CACNG2: variants seen among roughly 807,000 people sequenced by gnomAD.
CACNG2 encodes the protein voltage-dependent calcium channel gamma-2 subunit.
CACNG2 carries 3 observed loss-of-function variants against 25.9 expected under a neutral mutation model. The observed-to-expected ratio is 0.12, with a 90% CI of 0.05 to 0.30. CACNG2 has a LOEUF of 0.30. Among genes scored for constraint, CACNG2 ranks in the 10% least tolerant of loss-of-function variants. The pLI is 1.00. For missense variants in CACNG2, 341 were observed against 432.5 expected (o/e 0.79, Z 1.88); for synonymous variants, 167 against 173.3 (o/e 0.96, Z 0.29).
chr22:36,574,727 C>A (rs571901030), intron 2 of CACNG2, among the ~76,000 whole-genome samples: 1 of 152,206 alleles, frequency 6.6e-6, no homozygotes, highest in East Asian at 1.9e-4. Context: ...GGTTGCCGTG[C>A]ACCAAAATTG....
chr22:36,641,202 CATTT>C (rs1353681448), intron 1 of CACNG2, among the ~76,000 whole-genome samples: 1 of 152,172 alleles, frequency 6.6e-6, no homozygotes, highest in Non-Finnish European at 1.5e-5. Context: ...ACCTGATAAA[CATTT>C]ATGCATTTGT....
At chr22:36,587,725 A>G (rs1935527454) in intron 1 of CACNG2, among the ~76,000 whole-genome samples, 177 bp from the exon 2 acceptor site, 1 of 152,160 alleles carries the variant, frequency 6.6e-6, no homozygotes, top group South Asian at 2.1e-4. Context: ...CACAACACAC[A>G]CACCCGCAGT....
chr22:36,621,890 T>C (rs1332615642), intron 1 of CACNG2, among the ~76,000 whole-genome samples: 4 of 152,232 alleles, frequency 2.6e-5, no homozygotes, highest in Admixed American at 1.3e-4. Flanking sequence ...GACAAACTTG[T>C]AGGTTTGCGA....
chr22:36,581,846 A>G (rs963296276), intron 2 of CACNG2, among the ~76,000 whole-genome samples: 3 of 152,186 alleles, frequency 2.0e-5, no homozygotes, highest in African/African-American at 7.2e-5. Flanking sequence ...CCTCAGGTCC[A>G]TACCGAGCCC....
intron 2 of CACNG2, among the ~76,000 whole-genome samples, chr22:36,575,860 C>T (rs909853318): frequency 2.0e-5 from 3 of 152,182 alleles, no homozygotes; most frequent in Admixed American, 6.5e-5. Flanking sequence ...ATGCTCTTAT[C>T]CCATCTGGGA....
At position 36,564,267 on chromosome 22, in the gene CACNG2, G is replaced by T; in HGVS notation, c.*84C>A. 7.9e-7 allele frequency: 1 copy of T among 1,266,492 alleles called. No individual in the cohort carries two copies. The highest frequency in any genetic ancestry group is 1.1e-6 in the Non-Finnish European group (1 of 929,180). The allele number at this position is 1,266,492 out of a possible 1,614,324, so 78.5% of individuals were successfully genotyped here. ...GTTTTTGCTTTTGGAAGGTCTCCCA[G>T]CGGAGGGTCTGGGTCTCCCCGCCCC... On this transcript the variant is annotated 3_prime_UTR_variant, in exon 4 of 4. Coordinates refer to ENST00000300105, the MANE Select transcript of CACNG2 (RefSeq NM_006078.5). The surrounding 1 kb of genome is among the most constrained non-coding windows in gnomAD (Gnocchi z 6.7).
intron 2 of CACNG2, among the ~76,000 whole-genome samples, chr22:36,576,374 G>A (rs1343620140): frequency 3.9e-5 from 6 of 152,092 alleles, no homozygotes; most frequent in Admixed American, 1.3e-4. Context: ...GGGGATTCAG[G>A]GGGAAAGGGT....
chr22:36,617,462 G>T (rs1225743190), intron 1 of CACNG2, among the ~76,000 whole-genome samples: 1 of 151,938 alleles, frequency 6.6e-6, no homozygotes, highest in Non-Finnish European at 1.5e-5. Context: ...GAGGCAGACA[G>T]ATCTGGTGTA....
chr22:36,592,174 G>A (rs1034677268), intron 1 of CACNG2, among the ~76,000 whole-genome samples: 7 of 147,770 alleles, frequency 4.7e-5, no homozygotes, highest in Non-Finnish European at 8.9e-5. Context: ...GATGGATATG[G>A]AGTCTAAGCT....
At chr22:36,585,487 G>A (rs950389227) in intron 2 of CACNG2, 1 of 152,202 alleles carries the variant, frequency 6.6e-6, no homozygotes, top group African/African-American at 2.4e-5. Context: ...GCATTTTATA[G>A]ACCAGGGGTC....
intron 1 of CACNG2, among the ~76,000 whole-genome samples, chr22:36,587,813 G>A (rs917825720): frequency 6.6e-6 from 1 of 152,240 alleles, no homozygotes; most frequent in Admixed American, 6.5e-5. Context: ...AGGATTAGCG[G>A]AGGCTTGGCA....
intron 1 of CACNG2, among the ~76,000 whole-genome samples, chr22:36,699,737 C>G (rs986746562): frequency 2.0e-5 from 3 of 152,132 alleles, no homozygotes; most frequent in African/African-American, 4.8e-5. Context: ...ACAACTTGAT[C>G]TCCATAGAGA....
chr22:36,684,278 T>G (rs963252105), intron 1 of CACNG2, among the ~76,000 whole-genome samples: 1 of 152,168 alleles, frequency 6.6e-6, no homozygotes, highest in Admixed American at 6.5e-5. Flanking sequence ...TTGGGTACTA[T>G]TGCTTAGGAT....
At chr22:36,650,904 T>G (rs1003292402) in intron 1 of CACNG2, among the ~76,000 whole-genome samples, 30 of 152,334 alleles carry the variant, frequency 2.0e-4, no homozygotes, top group Middle Eastern at 3.4e-3. Context: ...GTCACCTTTC[T>G]CTAGATATCT....
chr22:36,702,733 A>T lies in CACNG2; in HGVS notation c.-157T>A, dbSNP rs573852329. On this transcript the variant is annotated 5_prime_UTR_variant, in exon 1 of 4. Coordinates refer to ENST00000300105, the MANE Select transcript of CACNG2 (RefSeq NM_006078.5). Reference sequence around the variant, plus strand: ...ATGAATAGAGAATATGGAGAGTTATAAAAAAAGGGAGGTAAGAAAGCTCAC... The same window carrying T: ...ATGAATAGAGAATATGGAGAGTTATTAAAAAAGGGAGGTAAGAAAGCTCAC... 4.7e-5 allele frequency: 28 copies of T among 599,816 alleles called. 1 individual carries two copies. Among genetic ancestry groups the T allele is most frequent in the South Asian group, 4.1e-4 (19 of 46,164 alleles). The allele number at this position is 599,816 out of a possible 1,614,324, so 37.2% of individuals were successfully genotyped here.
intron 1 of CACNG2, among the ~76,000 whole-genome samples, chr22:36,661,966 CTTTTTTTT>C (rs71193254): frequency 8.7e-4 from 39 of 44,588 alleles, no homozygotes; most frequent in Non-Finnish European, 1.8e-3. Flanking sequence ...CATTGCTATT[CTTTTTTTT>C]TTTTTTTTTT....
chr22:36,644,277 T>A (rs531441063), intron 1 of CACNG2, among the ~76,000 whole-genome samples: 1 of 152,174 alleles, frequency 6.6e-6, no homozygotes, highest in Non-Finnish European at 1.5e-5. Flanking sequence ...AATTCTGTCA[T>A]CATAAAAGCA....
At chr22:36,672,944 G>T (rs534840797) in intron 1 of CACNG2, among the ~76,000 whole-genome samples, 51 of 152,316 alleles carry the variant, frequency 3.3e-4, no homozygotes, top group Non-Finnish European at 5.9e-4. Flanking sequence ...TGTTGAAGGA[G>T]GCTGGGCACA....
Position 36,604,769 on chromosome 22 carries a change from A to G in CACNG2, c.212-17221T>C, listed in dbSNP as rs141786518. On this transcript the variant is annotated intron_variant, in intron 1 of 3. Transcript: ENST00000300105. ...TATTGCACACTTAATAGACTACAGT[A>G]TAGTGTAAACATAACATATATTTTT... Among the ~76,000 whole-genome samples the G allele has an allele frequency of 2.0e-5, 3 of 152,372 alleles. No individual in the cohort carries two copies. The East Asian group carries it at 5.8e-4, about 29-fold the overall frequency.
Sources: gnomAD v4.1 joint callset for allele counts (sites outside exome capture counted in the v4.1 genomes callset) on GRCh38, gnomAD v4.1.1 for gene constraint, Gnocchi (gnomAD v3.1) non-coding constraint, MANE v1.5 for transcripts, NCBI Gene and HGNC (gene_info 2026-07-23, HGNC 2026-07-21) for gene names.